UNC45B: variants seen among roughly 807,000 people sequenced by gnomAD.
The protein encoded by UNC45B is protein unc-45 homolog B.
In UNC45B, 78 loss-of-function variants were observed where a neutral mutation model predicts 98.7. The observed-to-expected ratio is 0.79, with a 90% CI of 0.66 to 0.95. The LOEUF is 0.95. Ranked by LOEUF, UNC45B falls within the 40% of genes least tolerant of loss-of-function variation. The pLI, the probability that UNC45B is intolerant of heterozygous loss-of-function variation, is 0.00. For synonymous variants in UNC45B, 462 were observed against 480.4 expected, an observed-to-expected ratio of 0.96 and a Z score of 0.50; for missense variants, 1,225 against 1,184.9, an observed-to-expected ratio of 1.03 and a Z score of -0.50.
rs1597922199 is a variant in UNC45B at position 35,169,897 on chromosome 17, G to A, written c.1513G>A (p.Gly505Arg). ...CTACGGTCTCAGGCAGTTTGCGGAAGGGTCGACAGAAAAACTGGCCAAACA... is the reference window on the plus strand; with the variant it reads ...CTACGGTCTCAGGCAGTTTGCGGAAAGGTCGACAGAAAAACTGGCCAAACA... Reference protein sequence around the residue: ...TDYGLRQFAEGSTEKLAKQCR... With the variant: ...TDYGLRQFAERSTEKLAKQCR... Residue 505 changes from glycine (G) to arginine (R), a missense_variant, in exon 11 of 20, where the codon GGG becomes AGG. Coordinates refer to ENST00000394570, the MANE Select transcript of UNC45B (RefSeq NM_001267052.2). 1 of 1,614,186 alleles carries A rather than the reference G, an allele frequency of 6.2e-7. No individual in the cohort carries two copies. The highest frequency in any genetic ancestry group is 1.3e-5 in the African/African-American group (1 of 75,036).
Position 35,154,690 on chromosome 17 carries a change from G to T in UNC45B, c.588G>T (p.Val196=), listed in dbSNP as rs1296055530. 1 of 1,611,838 alleles carries T rather than the reference G, an allele frequency of 6.2e-7. No homozygotes were observed. The highest frequency in any genetic ancestry group is 1.7e-5 in the Admixed American group (1 of 59,584). ...TGGACACTAAGAAGCCTGAGCTGGT[G>T]CTGGCTGCAGTGCGGACCCTGTCGG... The part of the protein sequence containing the change: ...QLLDTKKPEL[V]LAAVRTLSGM... The change falls in exon 6 of 20, where the codon GTG becomes GTT. Residue 196 remains valine (V), a synonymous_variant. Transcript: ENST00000394570.
At position 35,170,097 on chromosome 17, in the gene UNC45B, T is replaced by C. The variant is rs1285420740; in HGVS notation, c.1548-17T>C. The C allele has an allele frequency of 6.2e-7, 1 of 1,604,894 alleles. No homozygotes were observed. Among genetic ancestry groups the C allele is most frequent in the Admixed American group, 1.7e-5 (1 of 59,662 alleles). ...GCCCTGGGCCCCTTCCCATGTGTGC[T>C]CCCTCCTCACTTCCAGGTGGCTGTG... On this transcript the variant is annotated splice_polypyrimidine_tract_variant and intron_variant, in intron 11 of 19. Transcript: ENST00000394570.
rs746851997 is a variant in UNC45B, at chr17:35,148,381, G to T, written c.118G>T (p.Ala40Ser). ...GGCCCTGAAGCTGACCAAGGACAAG[G>T]CCCTGCTGGCCACGCTTTATCGGAA... Reference protein sequence around the residue: ...SQALKLTKDKALLATLYRNRA... With the variant: ...SQALKLTKDKSLLATLYRNRA... The change falls in exon 2 of 20, where the codon GCC (alanine) becomes TCC (serine). Residue 40 changes from alanine to serine, a missense_variant. Coordinates refer to ENST00000394570, the MANE Select transcript of UNC45B (RefSeq NM_001267052.2). 2 of 1,614,080 alleles carry T rather than the reference G, an allele frequency of 1.2e-6. No homozygotes were observed. Among genetic ancestry groups the T allele is most frequent in the East Asian group, 2.2e-5 (1 of 44,862 alleles).
Position 35,176,009 on chromosome 17 carries a change from C to A in UNC45B, c.2000C>A (p.Thr667Asn). 1.9e-6 allele frequency: 3 copies of A among 1,614,150 alleles called. No individual in the cohort carries two copies. Among genetic ancestry groups the A allele is most frequent in the South Asian group, 2.2e-5 (2 of 91,076 alleles). ...TGTGACAACCCAAAGGACCGAGGCA[C>A]CATTGTGGCTCAAGGTGGTGGCAAG... ...ALCDNPKDRGTIVAQGGGKAL... is the reference protein window; with the variant it reads ...ALCDNPKDRGNIVAQGGGKAL... The change falls in exon 15 of 20, where the codon ACC becomes AAC. Residue 667 changes from threonine (T) to asparagine (N), a missense_variant. Transcript: ENST00000394570.
chr17:35,188,124 T>C lies in UNC45B; in HGVS notation c.*1565T>C, dbSNP rs950797459. The C allele has an allele frequency of 5.3e-5, 8 of 152,240 alleles. No homozygotes were observed. Among genetic ancestry groups the C allele is most frequent in the African/African-American group, 1.9e-4 (8 of 41,470 alleles). The allele number at this position is 152,240 out of a possible 1,614,324, so 9.4% of individuals were successfully genotyped here. A position where few individuals can be genotyped will look rare whatever the true frequency, so the allele number is the denominator to read the frequency against. On this transcript the variant is annotated 3_prime_UTR_variant, in exon 20 of 20. Coordinates refer to ENST00000394570, the MANE Select transcript of UNC45B (RefSeq NM_001267052.2). ...ATTTCTCAGATCTTTTCTGCACTAA[T>C]GGTCTTTACATACAGCCTACATTTT...
chr17:35,165,894 G>T (rs777238163), intron 9 of UNC45B, among the ~76,000 whole-genome samples: 3 of 151,462 alleles, frequency 2.0e-5, no homozygotes, highest in Non-Finnish European at 4.4e-5. Flanking sequence ...AGCCAAGATC[G>T]CACCACTGCA....
intron 19 of UNC45B, among the ~76,000 whole-genome samples, chr17:35,185,616 T>A (rs979539189): frequency 6.6e-6 from 1 of 152,044 alleles, no homozygotes; most frequent in Non-Finnish European, 1.5e-5. Flanking sequence ...TGGGTTGGTG[T>A]CTTAAATCAT....
intron 13 of UNC45B, among the ~76,000 whole-genome samples, chr17:35,173,100 T>C (rs1180484161): frequency 6.6e-6 from 1 of 151,372 alleles, no homozygotes; most frequent in Non-Finnish European, 1.5e-5. Context: ...CCACACGCAC[T>C]GTGGCCTAAA....
chr17:35,148,146 A>T, intron 1 of UNC45B, 118 bp from the exon 2 acceptor site: 1 of 1,165,188 alleles, frequency 8.6e-7, no homozygotes. Context: ...TTCCAGGCAG[A>T]ATCCCCACCA....
In UNC45B at chr17:35,177,004, C is replaced by A. The variant is rs890185934; in HGVS notation, c.2026-13C>A. 22 of 1,608,660 alleles carry A rather than the reference C, an allele frequency of 1.4e-5. No homozygotes were observed. Among genetic ancestry groups the A allele is most frequent in the Non-Finnish European group, 1.4e-5 (16 of 1,175,570 alleles). ...TGTCTGTGACTAAGTAGTGACCTTG[C>A]CCTTTCTTGCAGGCCCTGATTCCCC... On this transcript the variant is annotated splice_polypyrimidine_tract_variant and intron_variant, in intron 15 of 19. Transcript: ENST00000394570.
intron 17 of UNC45B, 57 bp downstream of exon 17, chr17:35,177,667 G>A: frequency 7.7e-7 from 1 of 1,293,688 alleles, no homozygotes; most frequent in Non-Finnish European, 1.1e-6. Context: ...GTGTTTGTTT[G>A]AAATTTCACA....
intron 4 of UNC45B, 124 bp downstream of exon 4, chr17:35,150,347 G>A (rs1459446836): frequency 9.3e-7 from 1 of 1,077,248 alleles, no homozygotes. Flanking sequence ...CTGAGATAGA[G>A]ACAGCAAGTG....
At chr17:35,150,881 T>TGTCTTCATC (rs1437010456) in intron 4 of UNC45B, among the ~76,000 whole-genome samples, 13 of 151,904 alleles carry the variant, frequency 8.6e-5, no homozygotes, top group African/African-American at 3.1e-4. Context: ...AAGACATCGA[T>TGTCTTCATC]GAGGGATAGA....
rs978526766 is a variant in UNC45B, at chr17:35,164,404, C to T, written c.1151+238C>T. Reference sequence around the variant, plus strand: ...GCTTGACTGGGGCTGGAAAATGCTTCCAAGATGGTGGACTCACACAGCTGG... The same window carrying T: ...GCTTGACTGGGGCTGGAAAATGCTTTCAAGATGGTGGACTCACACAGCTGG... On this transcript the variant is annotated intron_variant, in intron 9 of 19. Coordinates refer to ENST00000394570, the MANE Select transcript of UNC45B (RefSeq NM_001267052.2). 19 of 373,308 alleles carry T rather than the reference C, an allele frequency of 5.1e-5. No homozygotes were observed. The Admixed American group carries it at 6.9e-4, about 14-fold the overall frequency. 23.1% of individuals were successfully genotyped at this position (373,308 alleles called of 1,614,324 possible).
Position 35,186,313 on chromosome 17 carries a change from G to A in UNC45B, c.2544G>A (p.Leu848=). The A allele has an allele frequency of 3.7e-6, 6 of 1,613,994 alleles. No individual in the cohort carries two copies. The South Asian group carries it at 6.6e-5, about 18-fold the overall frequency. ...LKMTQVTTQW[L]EILQRLCLHD... ...CCTGCCTCCAGACAACCCAGTGGTT[G>A]GAGATCCTCCAGCGGCTTTGCCTGC... The change falls in exon 20 of 20, where the codon TTG becomes TTA. Residue 848 remains leucine (L), a synonymous_variant. Transcript: ENST00000394570.
intron 7 of UNC45B, 88 bp downstream of exon 7, chr17:35,155,552 G>A (rs1028192350): frequency 2.2e-6 from 3 of 1,394,980 alleles, no homozygotes; most frequent in Non-Finnish European, 3.0e-6. Context: ...CTGTATGTGG[G>A]GGTGGCTTGG....
rs1447740102 is a variant in UNC45B at position 35,188,121 on chromosome 17, T to C, written c.*1562T>C. ...TTAATTTCTCAGATCTTTTCTGCAC[T>C]AATGGTCTTTACATACAGCCTACAT... On this transcript the variant is annotated 3_prime_UTR_variant, in exon 20 of 20. Transcript: ENST00000394570. The C allele has an allele frequency of 6.6e-6, 1 of 152,236 alleles. No individual in the cohort carries two copies. The highest frequency in any genetic ancestry group is 2.4e-5 in the African/African-American group (1 of 41,454). The allele number at this position is 152,236 out of a possible 1,614,324, so 9.4% of individuals were successfully genotyped here. A position where few individuals can be genotyped will look rare whatever the true frequency, so the allele number is the denominator to read the frequency against.
At position 35,168,169 on chromosome 17, in the gene UNC45B, A is replaced by G; in HGVS notation, c.1260A>G (p.Lys420=). 1 of 1,607,020 alleles carries G rather than the reference A, an allele frequency of 6.2e-7. No individual in the cohort carries two copies. The highest frequency in any genetic ancestry group is 8.5e-7 in the Non-Finnish European group (1 of 1,176,360). ...FDLGNQLLGL[K]GVMEMMVALC... is the part of the protein sequence containing the mutation. ...TGGGCAACCAGCTGCTGGGACTGAA[A>G]GGTGTGATGGAGATGATGGTGGCAC... is the stretch of plus-strand genomic sequence containing the variant. Residue 420 remains lysine (K), a synonymous_variant, in exon 10 of 20, where the codon AAA becomes AAG. Coordinates refer to ENST00000394570, the MANE Select transcript of UNC45B (RefSeq NM_001267052.2).
chr17:35,149,056 C>T (rs1157189021), intron 3 of UNC45B, 47 bp downstream of exon 3: 4 of 1,610,226 alleles, frequency 2.5e-6, no homozygotes, highest in Non-Finnish European at 3.4e-6. Context: ...TTCTCCTCTG[C>T]ATGGCCTGGG....
Sources: allele counts gnomAD v4.1 joint callset (sites outside exome capture counted in the v4.1 genomes callset), GRCh38; gene constraint gnomAD v4.1.1; transcripts MANE v1.5; gene names NCBI Gene and HGNC (gene_info 2026-07-23, HGNC 2026-07-21).